Variants in RUNDC3B observed in about 807,000 individuals in gnomAD.
RUNDC3B encodes the protein RUN domain containing 3B, also known as RUN domain-containing protein 3B.
Under a neutral mutation model 58.4 loss-of-function variants are expected in RUNDC3B, and 33 were observed. The ratio of observed to expected loss-of-function variants is 0.56; its 90% CI spans 0.43 to 0.75. The LOEUF (loss-of-function observed/expected upper bound fraction) is 0.75, where lower values mean the gene tolerates loss of function less well. Among genes scored for constraint, RUNDC3B ranks in the 30% least tolerant of loss-of-function variants. RUNDC3B has a pLI of 0.00. For synonymous variants in RUNDC3B, 193 were observed against 195.2 expected, an observed-to-expected ratio of 0.99 and a Z score of 0.10; for missense variants, 501 against 535.7, an observed-to-expected ratio of 0.94 and a Z score of 0.64.
At chr7:87,662,067 A>G (rs1003339299) in intron 2 of RUNDC3B, among the ~76,000 whole-genome samples, 24 of 152,144 alleles carry the variant, frequency 1.6e-4, no homozygotes, top group African/African-American at 5.5e-4. Context: ...AGAAACATCT[A>G]TTCTGATCTT....
chr7:87,822,490 G>T (rs1345634269), intron 10 of RUNDC3B, among the ~76,000 whole-genome samples: 1 of 152,174 alleles, frequency 6.6e-6, no homozygotes, highest in Non-Finnish European at 1.5e-5. Flanking sequence ...CTATTCCTCA[G>T]GGATCTAGAA....
intron 9 of RUNDC3B, among the ~76,000 whole-genome samples, chr7:87,809,307 G>A (rs900745593): frequency 2.0e-5 from 3 of 152,120 alleles, no homozygotes; most frequent in African/African-American, 7.2e-5. Flanking sequence ...TGTTGGTATT[G>A]TTTTAGTATG....
chr7:87,823,075 G>T (rs929545580), intron 10 of RUNDC3B, among the ~76,000 whole-genome samples: 3 of 151,826 alleles, frequency 2.0e-5, no homozygotes, highest in African/African-American at 7.3e-5. Flanking sequence ...GATCACATGT[G>T]TAAACAAGCT....
chr7:87,665,580 G>A (rs1006065703), intron 2 of RUNDC3B, among the ~76,000 whole-genome samples: 3 of 152,172 alleles, frequency 2.0e-5, no homozygotes, highest in Admixed American at 1.3e-4. Flanking sequence ...ACATGTGCAG[G>A]TTTGTCATCT....
chr7:87,825,442 A>G (rs1309618705), intron 10 of RUNDC3B, among the ~76,000 whole-genome samples: 1 of 152,100 alleles, frequency 6.6e-6, no homozygotes, highest in African/African-American at 2.4e-5. Context: ...GATGTAGGGA[A>G]ATACCTGGAT....
intron 6 of RUNDC3B, among the ~76,000 whole-genome samples, chr7:87,767,934 T>G (rs1222316406): frequency 1.3e-5 from 2 of 152,172 alleles, no homozygotes; most frequent in African/African-American, 4.8e-5. Context: ...AATGCCTGTC[T>G]GTCTACTACC....
At position 87,748,261 on chromosome 7, in the gene RUNDC3B, G is replaced by A. The variant is rs192554093; in HGVS notation, c.629+6682G>A. On this transcript the variant is annotated intron_variant, in intron 6 of 10. Transcript: ENST00000394654. ...AAACAGACCTTCAGCTTCTCCAGTG[G>A]GGGTGTGTGTTTGGGAGAGGCGGGG... 2.6e-5 allele frequency among the ~76,000 whole-genome samples: 4 copies of A among 152,298 alleles called. No homozygotes were observed. In the South Asian group the frequency reaches 6.2e-4, roughly 24 times the overall value.
At chr7:87,772,811 T>A (rs560136195) in intron 7 of RUNDC3B, among the ~76,000 whole-genome samples, 1 of 152,248 alleles carries the variant, frequency 6.6e-6, no homozygotes, top group Non-Finnish European at 1.5e-5. Context: ...CCAGTTAAGA[T>A]AAACTCTTAG....
At chr7:87,678,800 T>G (rs1826630014) in intron 2 of RUNDC3B, among the ~76,000 whole-genome samples, 2 of 152,108 alleles carry the variant, frequency 1.3e-5, no homozygotes, top group African/African-American at 4.8e-5. Context: ...TCAAAGTAGA[T>G]TTCAGAACAA....
chr7:87,777,710 G>T, intron 7 of RUNDC3B, 88 bp from the exon 8 acceptor site: 2 of 972,810 alleles, frequency 2.1e-6, no homozygotes, highest in South Asian at 1.6e-5. Context: ...ATATAAATAG[G>T]AATAGCATTT....
chr7:87,630,538 C>T (rs753811465), intron 1 of RUNDC3B, among the ~76,000 whole-genome samples: 30 of 151,848 alleles, frequency 2.0e-4, no homozygotes, highest in Non-Finnish European at 4.1e-4. Flanking sequence ...ATTTTCTTAA[C>T]CATAATATAC....
chr7:87,695,145 G>A (rs975468314), intron 2 of RUNDC3B, among the ~76,000 whole-genome samples: 1 of 152,044 alleles, frequency 6.6e-6, no homozygotes, highest in African/African-American at 2.4e-5. Flanking sequence ...AATTTAAAGT[G>A]TAACTAATTA....
At chr7:87,809,988 A>G (rs760009275) in intron 9 of RUNDC3B, among the ~76,000 whole-genome samples, 1 of 152,226 alleles carries the variant, frequency 6.6e-6, no homozygotes, top group African/African-American at 2.4e-5. Flanking sequence ...CTTTTTAATA[A>G]GGAACATTAG....
intron 2 of RUNDC3B, among the ~76,000 whole-genome samples, chr7:87,696,001 G>A (rs940030988): frequency 1.3e-5 from 2 of 152,070 alleles, no homozygotes; most frequent in Non-Finnish European, 2.9e-5. Context: ...TTGTCTTTTA[G>A]TCTAGCAAAC....
At chr7:87,637,068 G>A (rs1019419752) in intron 1 of RUNDC3B, among the ~76,000 whole-genome samples, 6 of 152,112 alleles carry the variant, frequency 3.9e-5, no homozygotes, top group Non-Finnish European at 8.8e-5. Flanking sequence ...AGACTAGCAT[G>A]GGGGAAAACA....
intron 4 of RUNDC3B, among the ~76,000 whole-genome samples, chr7:87,715,335 T>TTAATTTATAATAATTATATA (rs1440559053): frequency 3.9e-4 from 46 of 117,194 alleles, no homozygotes; most frequent in Non-Finnish European, 6.4e-4. Flanking sequence ...TTATATATAA[T>TTAATTTATAATAATTATATA]TAATTTATAA....
At chr7:87,804,466 AT>A (rs1836331936) in intron 8 of RUNDC3B, among the ~76,000 whole-genome samples, 2 of 152,108 alleles carry the variant, frequency 1.3e-5, no homozygotes, top group Admixed American at 6.6e-5. Flanking sequence ...AAATTATGTT[AT>A]TTTGAGAAGC....
intron 4 of RUNDC3B, among the ~76,000 whole-genome samples, chr7:87,737,210 T>G (rs1832038377): frequency 6.6e-6 from 1 of 152,016 alleles, no homozygotes; most frequent in African/African-American, 2.4e-5. Flanking sequence ...AAAATTTTCT[T>G]TAGAACAAAA....
In RUNDC3B at chr7:87,831,105, ACTT is replaced by A. The variant is rs1055540096; in HGVS notation, c.*1076_*1078del. On this transcript the variant is annotated 3_prime_UTR_variant, in exon 11 of 11. Transcript: ENST00000394654. ...TTTTTTTTTTAAAGTTGTAATCTGT[ACTT>A]TTTTTTTTTTGCAATTTTTGAAACA... The A allele has an allele frequency of 6.8e-6, 1 of 147,868 alleles. No individual in the cohort carries two copies. Among genetic ancestry groups the A allele is most frequent in the Non-Finnish European group, 1.5e-5 (1 of 66,856 alleles). 9.2% of individuals were successfully genotyped at this position (147,868 alleles called of 1,614,324 possible). A position where few individuals can be genotyped will look rare whatever the true frequency, so the allele number is the denominator to read the frequency against.
Sources: gnomAD v4.1 joint callset for allele counts (sites outside exome capture counted in the v4.1 genomes callset) on GRCh38, gnomAD v4.1.1 for gene constraint, MANE v1.5 for transcripts, NCBI Gene and HGNC (gene_info 2026-07-23, HGNC 2026-07-21) for gene names.